Variants in ST6GALNAC3 observed in about 807,000 individuals in gnomAD.
ST6GALNAC3 encodes ST6 N-acetylgalactosaminide alpha-2,6-sialyltransferase 3.
Under a neutral mutation model 32.7 loss-of-function variants are expected in ST6GALNAC3, and 25 were observed. The observed-to-expected ratio is 0.76, with a 90% CI of 0.56 to 1.07. ST6GALNAC3 has a LOEUF of 1.07. Ranked by LOEUF, ST6GALNAC3 falls within the 50% of genes least tolerant of loss-of-function variation. The probability of loss-of-function intolerance (pLI) is 0.00; values close to 1 mark genes in which losing one functional copy is unlikely to be tolerated. For missense variants in ST6GALNAC3, 355 were observed against 382.4 expected (o/e 0.93, Z 0.60); for synonymous variants, 129 against 133.1 (o/e 0.97, Z 0.21).
rs1036050794 is a variant in ST6GALNAC3 at position 76,509,044 on chromosome 1, A to C, written c.623+96627A>C. Among the ~76,000 whole-genome samples, 25 of 152,216 alleles carry C rather than the reference A, an allele frequency of 1.6e-4. No individual in the cohort carries two copies. Among genetic ancestry groups the C allele is most frequent in the African/African-American group, 5.3e-4 (22 of 41,452 alleles). ...CTTCTAACATGAGTCTAAGAGTTGA[A>C]CAGCTTGTCATTTTTCAACTCGTCG... On this transcript the variant is annotated intron_variant, in intron 3 of 4. Coordinates refer to ENST00000328299, the MANE Select transcript of ST6GALNAC3 (RefSeq NM_152996.4). The surrounding 1 kb of genome is among the most constrained non-coding windows in gnomAD (Gnocchi z 5.5).
intron 1 of ST6GALNAC3, among the ~76,000 whole-genome samples, chr1:76,253,812 T>A (rs1657762228): frequency 6.6e-6 from 1 of 152,148 alleles, no homozygotes; most frequent in Non-Finnish European, 1.5e-5. Context: ...TTTCCAATAT[T>A]CTAGCAGATG....
At chr1:76,528,545 G>A (rs569150496) in intron 3 of ST6GALNAC3, among the ~76,000 whole-genome samples, 3 of 152,104 alleles carry the variant, frequency 2.0e-5, no homozygotes, top group South Asian at 4.2e-4. Context: ...ATAGTATGTC[G>A]ACTCTTGTTG....
chr1:76,391,442 TG>T (rs2101155088), intron 2 of ST6GALNAC3, among the ~76,000 whole-genome samples: 1 of 152,264 alleles, frequency 6.6e-6, no homozygotes, highest in Non-Finnish European at 1.5e-5. Flanking sequence ...GAGAAGTCAG[TG>T]GAAGGTGAAT....
At chr1:76,454,524 C>G (rs944903079) in intron 3 of ST6GALNAC3, among the ~76,000 whole-genome samples, 1 of 152,082 alleles carries the variant, frequency 6.6e-6, no homozygotes, top group Non-Finnish European at 1.5e-5. Flanking sequence ...AAGACTATAT[C>G]TTTCCTTCAT....
intron 1 of ST6GALNAC3, among the ~76,000 whole-genome samples, chr1:76,143,696 G>A (rs1650490171): frequency 6.6e-6 from 1 of 152,048 alleles, no homozygotes; most frequent in Non-Finnish European, 1.5e-5. Flanking sequence ...AAAAACTTTT[G>A]GGAAGAAAAA....
chr1:76,155,576 T>A (rs1025878128), intron 1 of ST6GALNAC3, among the ~76,000 whole-genome samples: 1 of 151,530 alleles, frequency 6.6e-6, no homozygotes, highest in Admixed American at 6.6e-5. Flanking sequence ...CATGCCATTC[T>A]CCTGCCTCAG....
chr1:76,112,720 C>T (rs377485138), intron 1 of ST6GALNAC3, among the ~76,000 whole-genome samples: 3,846 of 149,330 alleles, frequency 0.026, 121 homozygotes, highest in Admixed American at 0.073. Flanking sequence ...CGGGCAGAGA[C>T]GCTCCTCACA....
At chr1:76,185,391 G>A (rs534480207) in intron 1 of ST6GALNAC3, among the ~76,000 whole-genome samples, 16 of 152,084 alleles carry the variant, frequency 1.1e-4, no homozygotes, top group Non-Finnish European at 1.8e-4. Context: ...GACATAATAC[G>A]AGCTCCAGAT....
chr1:76,561,251 A>G (rs1356043618), intron 3 of ST6GALNAC3, among the ~76,000 whole-genome samples: 1 of 152,120 alleles, frequency 6.6e-6, no homozygotes, highest in East Asian at 1.9e-4. Context: ...TAACGGGTAC[A>G]GAATAAATAG....
intron 3 of ST6GALNAC3, among the ~76,000 whole-genome samples, chr1:76,468,816 C>T (rs942182067): frequency 1.6e-4 from 24 of 151,988 alleles, no homozygotes; most frequent in African/African-American, 5.8e-4. Context: ...ATGAGAATTT[C>T]TCCTCAACTT....
In ST6GALNAC3 at chr1:76,195,372, G is replaced by A. The variant is rs368956800; in HGVS notation, c.19-118433G>A. Among the ~76,000 whole-genome samples the A allele has an allele frequency of 3.9e-4, 60 of 152,278 alleles. 3 individuals are homozygous for A. Among genetic ancestry groups the A allele is most frequent in the African/African-American group, 1.4e-3 (59 of 41,566 alleles). ...TCCTTGTGACAACCACTGTATTTAC[G>A]TGTGTAGTAGAAGTGCTTTATACAT... is the stretch of plus-strand genomic sequence containing the variant. On this transcript the variant is annotated intron_variant, in intron 1 of 4. Transcript: ENST00000328299.
At chr1:76,229,901 T>C (rs1472529293) in intron 1 of ST6GALNAC3, among the ~76,000 whole-genome samples, 1 of 152,190 alleles carries the variant, frequency 6.6e-6, no homozygotes, top group Non-Finnish European at 1.5e-5. Context: ...CAGAGGGGCC[T>C]CTTTGCAACA....
intron 1 of ST6GALNAC3, among the ~76,000 whole-genome samples, chr1:76,226,180 T>C (rs1242507284): frequency 6.6e-6 from 1 of 152,198 alleles, no homozygotes; most frequent in Non-Finnish European, 1.5e-5. Context: ...GTCTGGCAGA[T>C]AGTAGAGGGT....
intron 3 of ST6GALNAC3, among the ~76,000 whole-genome samples, chr1:76,507,021 A>C (rs770066202): frequency 6.6e-6 from 1 of 152,214 alleles, no homozygotes; most frequent in Non-Finnish European, 1.5e-5. Flanking sequence ...AGGATCAAAC[A>C]CATGCCTCTG....
chr1:76,192,561 C>T (rs543183419), intron 1 of ST6GALNAC3, among the ~76,000 whole-genome samples: 1 of 152,290 alleles, frequency 6.6e-6, no homozygotes, highest in South Asian at 2.1e-4. Context: ...CAGGAAGGCT[C>T]AGCTGCTTTT....
intron 4 of ST6GALNAC3, 25 bp from the exon 5 acceptor site, chr1:76,628,595 C>T (rs756796456): frequency 6.4e-7 from 1 of 1,556,796 alleles, no homozygotes; most frequent in Non-Finnish European, 8.6e-7. Flanking sequence ...ATCTTTCTCT[C>T]CTTTTCTTTT....
intron 2 of ST6GALNAC3, among the ~76,000 whole-genome samples, chr1:76,350,797 G>A (rs1225202712): frequency 6.6e-6 from 1 of 151,928 alleles, no homozygotes; most frequent in Non-Finnish European, 1.5e-5. Context: ...CTAATATATG[G>A]GCTGACAGTG....
At chr1:76,292,530 GTAAGTAAGA>G (rs1216787993) in intron 1 of ST6GALNAC3, among the ~76,000 whole-genome samples, 43 of 152,206 alleles carry the variant, frequency 2.8e-4, no homozygotes, top group Non-Finnish European at 5.9e-5. Context: ...ATAAGTACCA[GTAAGTAAGA>G]TTGGCTTACT....
chr1:76,451,033 G>C (rs1009945616), intron 3 of ST6GALNAC3, among the ~76,000 whole-genome samples: 2 of 152,140 alleles, frequency 1.3e-5, no homozygotes, highest in African/African-American at 4.8e-5. Context: ...GCTATGAAAG[G>C]CTCCTTTTGG....
Sources: gnomAD v4.1 joint callset for allele counts (sites outside exome capture counted in the v4.1 genomes callset) on GRCh38, gnomAD v4.1.1 for gene constraint, Gnocchi (gnomAD v3.1) non-coding constraint, MANE v1.5 for transcripts, NCBI Gene and HGNC (gene_info 2026-07-23, HGNC 2026-07-21) for gene names.